SLC44A5: variants seen among roughly 807,000 people sequenced by gnomAD.
The protein encoded by SLC44A5 is choline transporter-like protein 5.
A neutral mutation model predicts 101.8 loss-of-function variants in SLC44A5; 57 were observed. That is an observed-to-expected ratio of 0.56 (90% CI 0.45 to 0.70). The LOEUF (loss-of-function observed/expected upper bound fraction) is 0.70. Ranked by LOEUF, SLC44A5 falls within the 30% of genes least tolerant of loss-of-function variation. The pLI, the probability that SLC44A5 is intolerant of heterozygous loss-of-function variation, is 0.00. For missense variants in SLC44A5, 737 were observed against 853.1 expected (o/e 0.86, Z 1.70); for synonymous variants, 281 against 290.9 (o/e 0.97, Z 0.35).
chr1:75,541,681 TTC>T (rs527544353), intron 1 of SLC44A5, among the ~76,000 whole-genome samples, 165 bp from the exon 2 acceptor site: 385 of 152,282 alleles, frequency 2.5e-3, no homozygotes, highest in African/African-American at 8.8e-3. Context: ...CGCAGATATT[TTC>T]TCTCTTTGGA....
intron 23 of SLC44A5, chr1:75,206,787 T>C (rs747964876): frequency 2.2e-6 from 2 of 906,546 alleles, no homozygotes; most frequent in Non-Finnish European, 3.5e-6. Flanking sequence ...TTTTTATAAA[T>C]TGGAGGGTCG....
intron 3 of SLC44A5, among the ~76,000 whole-genome samples, chr1:75,390,850 C>T (rs753566981): frequency 4.6e-5 from 7 of 152,236 alleles, no homozygotes; most frequent in Non-Finnish European, 1.0e-4. Context: ...CTAGTGCAAT[C>T]AGGTGAGAGA....
chr1:75,720,524 C>T, the SLC44A5 span: 1 of 152,128 alleles, frequency 6.6e-6, no homozygotes, highest in Non-Finnish European at 1.5e-5. Context: ...TGGCATGATG[C>T]CAAATATTAC....
At chr1:75,582,720 C>G (rs1347417771) in intron 1 of SLC44A5, among the ~76,000 whole-genome samples, 1 of 152,228 alleles carries the variant, frequency 6.6e-6, no homozygotes, top group Admixed American at 6.5e-5. Context: ...TTTTTAAAGT[C>G]TGAAGGTATC....
At chr1:75,568,915 G>A (rs1672923595) in intron 1 of SLC44A5, among the ~76,000 whole-genome samples, 1 of 152,056 alleles carries the variant, frequency 6.6e-6, no homozygotes, top group Non-Finnish European at 1.5e-5. Flanking sequence ...ATATTTATAT[G>A]AGCATCTCCT....
intron 2 of SLC44A5, among the ~76,000 whole-genome samples, chr1:75,536,199 A>C (rs1207252510): frequency 6.6e-6 from 1 of 152,198 alleles, no homozygotes; most frequent in African/African-American, 2.4e-5. Flanking sequence ...ATTACTTCCT[A>C]TCTCTCAGTC....
At chr1:75,260,700 C>T (rs1650422170) in intron 6 of SLC44A5, among the ~76,000 whole-genome samples, 4 of 152,316 alleles carry the variant, frequency 2.6e-5, no homozygotes, top group Admixed American at 2.6e-4. Context: ...AAACTCTCCA[C>T]TCCATATCAG....
At chr1:75,219,549 AT>A (rs1195455268) in intron 15 of SLC44A5, among the ~76,000 whole-genome samples, 52 of 152,296 alleles carry the variant, frequency 3.4e-4, no homozygotes, top group Admixed American at 1.1e-3. Flanking sequence ...AGTAAAATGT[AT>A]AGGAGCTTTC....
chr1:75,399,240 G>A (rs1662323114), intron 2 of SLC44A5, among the ~76,000 whole-genome samples: 1 of 152,082 alleles, frequency 6.6e-6, no homozygotes, highest in Non-Finnish European at 1.5e-5. Flanking sequence ...TCAACCGGAT[G>A]TTGTTTCTCC....
chr1:75,435,028 G>A (rs1414159083), intron 2 of SLC44A5, among the ~76,000 whole-genome samples: 1 of 152,082 alleles, frequency 6.6e-6, no homozygotes, highest in East Asian at 1.9e-4. Context: ...CCCCCACTAT[G>A]CTTAGGCCAG....
intron 1 of SLC44A5, among the ~76,000 whole-genome samples, chr1:75,573,436 G>A (rs1056934519): frequency 6.6e-6 from 1 of 152,022 alleles, no homozygotes; most frequent in African/African-American, 2.4e-5. Flanking sequence ...GGAAGGGTGT[G>A]GCTAAGGATT....
chr1:75,385,917 T>A (rs1413471274), intron 3 of SLC44A5, among the ~76,000 whole-genome samples: 3 of 152,224 alleles, frequency 2.0e-5, no homozygotes, highest in African/African-American at 7.2e-5. Context: ...CGCAAATCAA[T>A]AAATGTAATC....
chr1:75,400,549 A>G (rs543243743), intron 2 of SLC44A5, among the ~76,000 whole-genome samples: 3 of 152,320 alleles, frequency 2.0e-5, no homozygotes, highest in African/African-American at 7.2e-5. Flanking sequence ...TTCAGGTGCC[A>G]GGGATGAGTC....
At chr1:75,239,283 T>G (rs1648398327) in intron 9 of SLC44A5, among the ~76,000 whole-genome samples, 1 of 152,140 alleles carries the variant, frequency 6.6e-6, no homozygotes, top group African/African-American at 2.4e-5. Flanking sequence ...CTGTTCAATC[T>G]TCTATGTTCT....
At chr1:75,592,717 C>G (rs1011524276) in intron 1 of SLC44A5, among the ~76,000 whole-genome samples, 3 of 151,924 alleles carry the variant, frequency 2.0e-5, no homozygotes, top group African/African-American at 7.2e-5. Context: ...TCATTTTCAA[C>G]AAAGGTGCAA....
At chr1:75,656,370 T>C in the SLC44A5 span, among the ~76,000 whole-genome samples, 1 of 152,180 alleles carries the variant, frequency 6.6e-6, no homozygotes, top group Non-Finnish European at 1.5e-5. Flanking sequence ...AATACTCCAA[T>C]ACTGTAATTG....
intron 2 of SLC44A5, among the ~76,000 whole-genome samples, chr1:75,413,268 A>G (rs1403872205): frequency 6.6e-6 from 1 of 152,134 alleles, no homozygotes. Context: ...GTCTTGGAAT[A>G]TATCCCTCAA....
At chr1:75,392,070 G>A (rs1661827337) in intron 3 of SLC44A5, among the ~76,000 whole-genome samples, 1 of 151,974 alleles carries the variant, frequency 6.6e-6, no homozygotes, top group African/African-American at 2.4e-5. Flanking sequence ...GATTACTGGA[G>A]CCTAGGAAGG....
At chr1:75,261,224 G>A (rs1272165646) in intron 6 of SLC44A5, among the ~76,000 whole-genome samples, 1 of 152,070 alleles carries the variant, frequency 6.6e-6, no homozygotes, top group Non-Finnish European at 1.5e-5. Flanking sequence ...AAAAATCAAT[G>A]AATCCAGGAT....
Sources: gnomAD v4.1 joint callset for allele counts (sites outside exome capture counted in the v4.1 genomes callset) on GRCh38, gnomAD v4.1.1 for gene constraint, MANE v1.5 for transcripts, NCBI Gene and HGNC (gene_info 2026-07-23, HGNC 2026-07-21) for gene names.